XRCC4: variants seen among roughly 807,000 people sequenced by gnomAD.
XRCC4 encodes the protein DNA repair protein XRCC4.
Under a neutral mutation model 39.1 loss-of-function variants are expected in XRCC4, and 28 were observed. That is an observed-to-expected ratio of 0.72 (90% CI 0.53 to 0.98). The LOEUF (loss-of-function observed/expected upper bound fraction) is 0.98. Among genes scored for constraint, XRCC4 ranks in the 50% least tolerant of loss-of-function variants. The probability of loss-of-function intolerance (pLI) is 0.00; values close to 1 mark genes in which losing one functional copy is unlikely to be tolerated. For synonymous variants in XRCC4, 123 were observed against 126.4 expected, an observed-to-expected ratio of 0.97 and a Z score of 0.18; for missense variants, 350 against 376.4, an observed-to-expected ratio of 0.93 and a Z score of 0.58.
chr5:83,154,536 A>G (rs1286252744), intron 3 of XRCC4, among the ~76,000 whole-genome samples: 1 of 152,186 alleles, frequency 6.6e-6, no homozygotes, highest in Non-Finnish European at 1.5e-5. Context: ...TATAAGAGGC[A>G]TGGAATATCT....
chr5:83,324,980 T>A (rs1197570057), intron 7 of XRCC4, among the ~76,000 whole-genome samples: 1 of 152,156 alleles, frequency 6.6e-6, no homozygotes, highest in Admixed American at 6.6e-5. Context: ...TTGGCTACTT[T>A]GGGAACCCTT....
At chr5:83,288,730 C>A (rs1413972043) in intron 7 of XRCC4, among the ~76,000 whole-genome samples, 2 of 151,786 alleles carry the variant, frequency 1.3e-5, no homozygotes, top group African/African-American at 4.8e-5. Context: ...CTTGGGTTTT[C>A]TGTAGTTTTT....
intron 7 of XRCC4, among the ~76,000 whole-genome samples, chr5:83,352,163 T>G (rs1035970111): frequency 3.3e-5 from 5 of 152,136 alleles, no homozygotes; most frequent in African/African-American, 1.2e-4. Context: ...GGGTTCAAAC[T>G]TGTGTTTCCT....
chr5:83,208,060 T>G (rs1751487323), intron 6 of XRCC4, among the ~76,000 whole-genome samples: 1 of 152,030 alleles, frequency 6.6e-6, no homozygotes, highest in Admixed American at 6.6e-5. Context: ...GGTAGTTATT[T>G]TGTTATAGTA....
chr5:83,297,868 A>AT (rs1324596985), intron 7 of XRCC4, among the ~76,000 whole-genome samples: 1 of 151,984 alleles, frequency 6.6e-6, no homozygotes, highest in Non-Finnish European at 1.5e-5. Flanking sequence ...ATCTCTAAGC[A>AT]AGTCTCCACC....
At chr5:83,133,526 T>C (rs1020361444) in intron 3 of XRCC4, among the ~76,000 whole-genome samples, 2 of 152,188 alleles carry the variant, frequency 1.3e-5, no homozygotes, top group Non-Finnish European at 2.9e-5. Flanking sequence ...TTGAGCTGCG[T>C]TGGGCTCCAC....
At chr5:83,157,860 A>T (rs565558299) in intron 3 of XRCC4, among the ~76,000 whole-genome samples, 1 of 152,274 alleles carries the variant, frequency 6.6e-6, no homozygotes, top group Admixed American at 6.5e-5. Flanking sequence ...TTAATTTAAT[A>T]AAATTCAAAA....
the XRCC4 span, among the ~76,000 whole-genome samples, chr5:83,362,294 C>CAAAAAAAAAAAAAAAAAAA: frequency 2.7e-5 from 2 of 73,168 alleles, no homozygotes; most frequent in East Asian, 5.0e-4. Flanking sequence ...GCTATTTAGG[C>CAAAAAAAAAAAAAAAAAAA]AAAAAAAAAA....
At chr5:83,374,335 G>A in the XRCC4 span, among the ~76,000 whole-genome samples, 1 of 152,178 alleles carries the variant, frequency 6.6e-6, no homozygotes, top group Non-Finnish European at 1.5e-5. Context: ...TTTATAAGGG[G>A]CTTCCCCTTT....
chr5:83,102,830 CTT>C, intron 1 of XRCC4, among the ~76,000 whole-genome samples: 1 of 151,952 alleles, frequency 6.6e-6, no homozygotes, highest in Middle Eastern at 3.4e-3. Flanking sequence ...ATCTACTAGA[CTT>C]TCACATTCCT....
intron 7 of XRCC4, among the ~76,000 whole-genome samples, chr5:83,334,583 A>G (rs1277136392): frequency 2.6e-5 from 4 of 151,964 alleles, no homozygotes; most frequent in Non-Finnish European, 5.9e-5. Flanking sequence ...TCACCAACAA[A>G]TTATTAAGGG....
chr5:83,336,073 ATC>A (rs1375702167), intron 7 of XRCC4, among the ~76,000 whole-genome samples: 1 of 152,092 alleles, frequency 6.6e-6, no homozygotes, highest in Non-Finnish European at 1.5e-5. Flanking sequence ...AATATTGAAC[ATC>A]CTTTTTCTCT....
chr5:83,218,918 G>T (rs1202237856), intron 6 of XRCC4, among the ~76,000 whole-genome samples: 2 of 149,282 alleles, frequency 1.3e-5, no homozygotes, highest in Non-Finnish European at 2.9e-5. Context: ...ATGTTAGTTT[G>T]CCAGGGCTGC....
At chr5:83,373,429 C>T in the XRCC4 span, among the ~76,000 whole-genome samples, 2 of 151,990 alleles carry the variant, frequency 1.3e-5, no homozygotes, top group Non-Finnish European at 2.9e-5. Context: ...AAAGCAATGG[C>T]CCATTCTTTT....
intron 7 of XRCC4, among the ~76,000 whole-genome samples, chr5:83,283,584 C>T (rs1348422519): frequency 6.6e-6 from 1 of 152,134 alleles, no homozygotes; most frequent in Non-Finnish European, 1.5e-5. Context: ...TTATAATTGA[C>T]TTTATTCCAC....
intron 6 of XRCC4, among the ~76,000 whole-genome samples, chr5:83,241,154 T>C (rs1402437051): frequency 1.3e-5 from 2 of 151,668 alleles, no homozygotes; most frequent in Non-Finnish European, 2.9e-5. Context: ...GGCATGAGAA[T>C]TGCTTGAACC....
At position 83,157,558 on chromosome 5, in the gene XRCC4, G is replaced by A. The variant is rs141559209; in HGVS notation, c.316-38212G>A. Among the ~76,000 whole-genome samples, 822 of 152,086 alleles carry A rather than the reference G, an allele frequency of 5.4e-3. 7 individuals carry two copies. Among genetic ancestry groups the A allele is most frequent in the African/African-American group, 0.019 (791 of 41,516 alleles). ...CTTGAGAGAACAGAATAGCCTTTTAGTAATTTATAATTAATATTTCAGATA... is the reference window on the plus strand; with the variant it reads ...CTTGAGAGAACAGAATAGCCTTTTAATAATTTATAATTAATATTTCAGATA... On this transcript the variant is annotated intron_variant, in intron 3 of 7. Transcript: ENST00000396027.
At chr5:83,295,037 G>A (rs555644090) in intron 7 of XRCC4, among the ~76,000 whole-genome samples, 2 of 152,094 alleles carry the variant, frequency 1.3e-5, no homozygotes, top group African/African-American at 2.4e-5. Flanking sequence ...TAGAAGATTA[G>A]TAAATGCTAA....
At chr5:83,226,168 T>C (rs1437699958) in intron 6 of XRCC4, among the ~76,000 whole-genome samples, 1 of 152,080 alleles carries the variant, frequency 6.6e-6, no homozygotes, top group East Asian at 1.9e-4. Flanking sequence ...CCCTCTGCTT[T>C]TGGAGCTAGG....
Sources: allele counts gnomAD v4.1 joint callset (sites outside exome capture counted in the v4.1 genomes callset), GRCh38; gene constraint gnomAD v4.1.1; transcripts MANE v1.5; gene names NCBI Gene and HGNC (gene_info 2026-07-23, HGNC 2026-07-21).